Variants in TGFBR3 observed in about 807,000 individuals in gnomAD.
TGFBR3 encodes the protein transforming growth factor beta receptor type 3.
Under a neutral mutation model 87.9 loss-of-function variants are expected in TGFBR3, and 46 were observed. That is an observed-to-expected ratio of 0.52 (90% CI 0.41 to 0.67). TGFBR3 has a LOEUF of 0.67. Among genes scored for constraint, TGFBR3 ranks in the 30% least tolerant of loss-of-function variants. The pLI, the probability that TGFBR3 is intolerant of heterozygous loss-of-function variation, is 0.00. For missense variants in TGFBR3, 866 were observed against 1,041.9 expected (o/e 0.83, Z 2.32); for synonymous variants, 381 against 391.6 (o/e 0.97, Z 0.32).
At position 91,797,415 on chromosome 1, in the gene TGFBR3, GGACAGGATGGGAGGCACT is replaced by G; in HGVS notation, c.100_117del (p.Ser34_Val39del). ...ACAGTGAAGCTCTCCATCAAGGCCT[GGACAGGATGGGAGGCACT>G]GACAGGTGACAGTTCACACAGTGCA... is the stretch of plus-strand genomic sequence containing the variant. On this transcript the variant is annotated inframe_deletion, in exon 3 of 17. Coordinates refer to ENST00000212355, the MANE Select transcript of TGFBR3 (RefSeq NM_003243.5). The G allele has an allele frequency of 6.2e-7, 1 of 1,614,234 alleles. No homozygotes were observed. The highest frequency in any genetic ancestry group is 8.5e-7 in the Non-Finnish European group (1 of 1,180,044).
At chr1:91,735,796 T>C (rs10783005) in intron 4 of TGFBR3, among the ~76,000 whole-genome samples, 150,480 of 152,324 alleles carry the variant, frequency 0.99, 74,357 homozygotes, top group East Asian at 1. Context: ...TGAAAATATG[T>C]ATGCCATTTT....
At chr1:91,786,553 C>A (rs951901716) in intron 3 of TGFBR3, among the ~76,000 whole-genome samples, 1 of 152,038 alleles carries the variant, frequency 6.6e-6, no homozygotes, top group Non-Finnish European at 1.5e-5. Flanking sequence ...GAGTTCAAGA[C>A]CAGCCTGGCC....
chr1:91,859,055 T>C (rs1678075873), intron 2 of TGFBR3, among the ~76,000 whole-genome samples: 1 of 148,702 alleles, frequency 6.7e-6, no homozygotes, highest in South Asian at 2.1e-4. Flanking sequence ...CGAGACTCTG[T>C]ATCAAAAAAA....
chr1:91,886,237 C>G (rs1380687894), upstream of TGFBR3: 1 of 446,746 alleles, frequency 2.2e-6, no homozygotes, highest in African/African-American at 2.0e-5. Flanking sequence ...AATCAGCGCG[C>G]GGGGGGAAGG....
At chr1:91,854,351 C>T (rs933948385) in intron 2 of TGFBR3, among the ~76,000 whole-genome samples, 2 of 151,974 alleles carry the variant, frequency 1.3e-5, no homozygotes, top group African/African-American at 4.8e-5. Context: ...CAATACTCAG[C>T]CCCTACCAAG....
chr1:91,822,535 C>T (rs1021390434), intron 2 of TGFBR3, among the ~76,000 whole-genome samples: 1 of 152,142 alleles, frequency 6.6e-6, no homozygotes, highest in Non-Finnish European at 1.5e-5. Flanking sequence ...TCTTTCACTT[C>T]TCACAGACTT....
In TGFBR3 at chr1:91,686,699, C is replaced by T. The variant is rs1285298306; in HGVS notation, c.2438-2842G>A. 3.3e-5 allele frequency among the ~76,000 whole-genome samples: 5 copies of T among 152,146 alleles called. No homozygotes were observed. In the East Asian group the frequency reaches 5.8e-4, roughly 18 times the overall value. Reference sequence around the variant, plus strand: ...GTACAGATGCTTCTACTTAATGGGCCAACAGAGACCCCTGGGTTTTCTGAG... The same window carrying T: ...GTACAGATGCTTCTACTTAATGGGCTAACAGAGACCCCTGGGTTTTCTGAG... On this transcript the variant is annotated intron_variant, in intron 16 of 16. Coordinates refer to ENST00000212355, the MANE Select transcript of TGFBR3 (RefSeq NM_003243.5).
chr1:91,714,318 G>C (rs778393630), intron 12 of TGFBR3, among the ~76,000 whole-genome samples: 11 of 152,242 alleles, frequency 7.2e-5, no homozygotes, highest in African/African-American at 1.2e-4. Context: ...TAGTATTCTA[G>C]ATTTAAAATT....
chr1:91,814,739 G>A (rs1384611554), intron 2 of TGFBR3, among the ~76,000 whole-genome samples: 2 of 152,178 alleles, frequency 1.3e-5, no homozygotes, highest in Non-Finnish European at 2.9e-5. Context: ...GACAATAAGT[G>A]AGGAAATTCC....
intron 2 of TGFBR3, among the ~76,000 whole-genome samples, chr1:91,898,047 A>T (rs1187198868): frequency 1.4e-5 from 1 of 69,908 alleles, no homozygotes. Context: ...TTCAATTTAA[A>T]AAAAAAAAAA....
chr1:91,861,655 A>C lies in TGFBR3; in HGVS notation c.-113-11T>G, dbSNP rs757547796. The C allele has an allele frequency of 1.4e-6, 1 of 733,474 alleles. No homozygotes were observed. Among genetic ancestry groups the C allele is most frequent in the Non-Finnish European group, 2.5e-6 (1 of 401,054 alleles). 45.4% of individuals were successfully genotyped at this position (733,474 alleles called of 1,614,324 possible). A position where few individuals can be genotyped will look rare whatever the true frequency, so the allele number is the denominator to read the frequency against. The stretch of plus-strand genomic sequence containing the variant: ...CAATTTTCAAACTGCCTGTAAAACA[A>C]ATTTCAATAAGAAAACTTAATGAAG... On this transcript the variant is annotated splice_polypyrimidine_tract_variant and intron_variant, in intron 1 of 16. Transcript: ENST00000212355.
intron 2 of TGFBR3, among the ~76,000 whole-genome samples, chr1:91,860,048 G>A (rs1198205666): frequency 6.6e-6 from 1 of 152,156 alleles, no homozygotes; most frequent in African/African-American, 2.4e-5. Context: ...AGTCTTAAGG[G>A]AGATCTGGTT....
intron 16 of TGFBR3, among the ~76,000 whole-genome samples, chr1:91,685,791 G>T (rs1671072364): frequency 6.6e-6 from 1 of 151,812 alleles, no homozygotes. Flanking sequence ...TTCTAGAAGG[G>T]AATCAAATCT....
chr1:91,724,878 G>C (rs1170811226), intron 7 of TGFBR3, among the ~76,000 whole-genome samples: 1 of 152,152 alleles, frequency 6.6e-6, no homozygotes, highest in East Asian at 1.9e-4. Context: ...TATAGGGGAG[G>C]GAGGACTAAG....
At chr1:91,888,075 G>A (rs928963729), upstream of TGFBR3, among the ~76,000 whole-genome samples, 4 of 152,144 alleles carry the variant, frequency 2.6e-5, no homozygotes, top group Admixed American at 2.6e-4. Context: ...TTGGGGATGA[G>A]TTTTTCCTGT....
At chr1:91,833,295 CAAAAA>C (rs33915205) in intron 2 of TGFBR3, among the ~76,000 whole-genome samples, 1 of 32,040 alleles carries the variant, frequency 3.1e-5, no homozygotes, top group Non-Finnish European at 5.3e-5. Context: ...GACTCCGACT[CAAAAA>C]AAAAAAAAAA....
chr1:91,867,438 C>T (rs1678430089), intron 1 of TGFBR3, among the ~76,000 whole-genome samples: 1 of 152,224 alleles, frequency 6.6e-6, no homozygotes, highest in Non-Finnish European at 1.5e-5. Flanking sequence ...ATCAACAAAT[C>T]TGGCCCCAGC....
chr1:91,833,304 A>AAAAC (rs772059928), intron 2 of TGFBR3, among the ~76,000 whole-genome samples: 10,519 of 132,854 alleles, frequency 0.079, 1,189 homozygotes, highest in East Asian at 0.33. Context: ...TCAAAAAAAA[A>AAAAC]AAAAAAAAAA....
intron 12 of TGFBR3, among the ~76,000 whole-genome samples, chr1:91,713,638 C>T (rs1489391237): frequency 6.6e-6 from 1 of 152,212 alleles, no homozygotes; most frequent in African/African-American, 2.4e-5. Context: ...GGCTTTGAAT[C>T]CGCAGCACTG....
Sources: gnomAD v4.1 joint callset for allele counts (sites outside exome capture counted in the v4.1 genomes callset) on GRCh38, gnomAD v4.1.1 for gene constraint, MANE v1.5 for transcripts, NCBI Gene and HGNC (gene_info 2026-07-23, HGNC 2026-07-21) for gene names.